WASF3: variants seen among roughly 807,000 people sequenced by gnomAD.
WASF3 encodes the protein WASP family member 3.
WASF3 carries 11 observed loss-of-function variants against 46.6 expected under a neutral mutation model. The observed-to-expected ratio is 0.24, with a 90% CI of 0.15 to 0.39. The LOEUF is 0.39. Among genes scored for constraint, WASF3 ranks in the 10% least tolerant of loss-of-function variants. The probability of loss-of-function intolerance (pLI) is 1.00; values close to 1 mark genes in which losing one functional copy is unlikely to be tolerated. For synonymous variants in WASF3, 242 were observed against 259.7 expected, an observed-to-expected ratio of 0.93 and a Z score of 0.65; for missense variants, 576 against 669.8, an observed-to-expected ratio of 0.86 and a Z score of 1.55.
At chr13:26,593,885 T>A (rs189784482) in intron 1 of WASF3, among the ~76,000 whole-genome samples, 1 of 152,226 alleles carries the variant, frequency 6.6e-6, no homozygotes, top group African/African-American at 2.4e-5. Flanking sequence ...TAACATAGTT[T>A]GCTTTAAATC....
chr13:26,559,825 T>C (rs1254383527), intron 1 of WASF3, among the ~76,000 whole-genome samples: 12 of 131,210 alleles, frequency 9.1e-5, no homozygotes, highest in South Asian at 2.7e-4. Context: ...TTTTTTTTTT[T>C]TTTTTTTTTG....
intron 2 of WASF3, among the ~76,000 whole-genome samples, chr13:26,633,392 T>C (rs9512292): frequency 0.44 from 67,003 of 151,260 alleles, 16,168 homozygotes; most frequent in Non-Finnish European, 0.55. Context: ...TTAGTAGAGG[T>C]GGGGTTTCTC....
intron 2 of WASF3, among the ~76,000 whole-genome samples, chr13:26,634,551 A>C (rs1087263): frequency 0.84 from 128,315 of 152,106 alleles, 54,155 homozygotes; most frequent in East Asian, 0.9. Context: ...GGTTATTTTG[A>C]CTGTTAATTG....
Position 26,688,334 on chromosome 13 carries a change from G to A in WASF3, c.*2489G>A, listed in dbSNP as rs1004796764. 1 of 152,178 alleles carries A rather than the reference G, an allele frequency of 6.6e-6. No homozygotes were observed. Among genetic ancestry groups the A allele is most frequent in the Admixed American group, 6.5e-5 (1 of 15,288 alleles). 9.4% of individuals were successfully genotyped at this position (152,178 alleles called of 1,614,324 possible). A position where few individuals can be genotyped will look rare whatever the true frequency, so the allele number is the denominator to read the frequency against. On this transcript the variant is annotated 3_prime_UTR_variant, in exon 10 of 10. Transcript: ENST00000335327. ...AGCACATTTCATTTCTCCAAACTTT[G>A]TGTTTTAAATTATAGTTATAAATTG...
intron 1 of WASF3, among the ~76,000 whole-genome samples, chr13:26,598,813 T>C (rs901511034): frequency 6.6e-6 from 1 of 152,246 alleles, no homozygotes; most frequent in Admixed American, 6.5e-5. Flanking sequence ...TTATACTCTT[T>C]CGATGGCTTT....
At position 26,573,542 on chromosome 13, in the gene WASF3, A is replaced by G. The variant is rs538613779; in HGVS notation, c.-109+15723A>G. ...ATGTGTTCTATGGACTCTGATGTAT[A>G]GGTTCTCATTATCTCTCAGAAATTC... On this transcript the variant is annotated intron_variant, in intron 1 of 9. Coordinates refer to ENST00000335327, the MANE Select transcript of WASF3 (RefSeq NM_006646.6). Among the ~76,000 whole-genome samples the G allele has an allele frequency of 2.0e-5, 3 of 152,222 alleles. No homozygotes were observed. The East Asian group carries it at 5.8e-4, about 29-fold the overall frequency.
intron 6 of WASF3, among the ~76,000 whole-genome samples, chr13:26,673,719 T>G (rs533640696): frequency 6.6e-6 from 1 of 152,342 alleles, no homozygotes; most frequent in East Asian, 1.9e-4. Flanking sequence ...CTCCTTTAGT[T>G]TAATGCTTTA....
chr13:26,561,745 A>G (rs1049334534), intron 1 of WASF3, among the ~76,000 whole-genome samples: 7 of 152,166 alleles, frequency 4.6e-5, no homozygotes, highest in Non-Finnish European at 1.0e-4. Context: ...AAAAATGTCT[A>G]GATTAGATTG....
In WASF3 at chr13:26,591,562, G is replaced by A. The variant is rs372472282; in HGVS notation, c.-108-21399G>A. Among the ~76,000 whole-genome samples the A allele has an allele frequency of 1.8e-4, 28 of 152,260 alleles. 1 individual carries two copies. In the South Asian group the frequency reaches 4.4e-3, roughly 24 times the overall value. ...GATATGGGGTTGCCATGAACTGAGA[G>A]GGGGAGACTACGAGCTCTAGATTGC... On this transcript the variant is annotated intron_variant, in intron 1 of 9. Coordinates refer to ENST00000335327, the MANE Select transcript of WASF3 (RefSeq NM_006646.6).
chr13:26,551,589 C>T, the WASF3 span, among the ~76,000 whole-genome samples: 1 of 152,126 alleles, frequency 6.6e-6, no homozygotes, highest in Non-Finnish European at 1.5e-5. Flanking sequence ...GGCAATAAAG[C>T]CATGTGAAGG....
At position 26,682,611 on chromosome 13, in the gene WASF3, C is replaced by T. The variant is rs757976789; in HGVS notation, c.988C>T (p.Leu330Phe). 6.2e-7 allele frequency: 1 copy of T among 1,614,134 alleles called. No individual in the cohort carries two copies. The highest frequency in any genetic ancestry group is 1.7e-5 in the Admixed American group (1 of 60,030). Reference sequence around the variant, plus strand: ...TGTGCCTCATATCTCTCTCAGGATGCTCCCAGCGCAGATAATTGAGTATTA... The same window carrying T: ...TGTGCCTCATATCTCTCTCAGGATGTTCCCAGCGCAGATAATTGAGTATTA... ...APMAPADYGM[L>F]PAQIIEYYNP... is the part of the protein sequence containing the mutation. The change falls in exon 9 of 10, where the codon CTC becomes TTC. Residue 330 changes from leucine (L) to phenylalanine (F), a missense_variant. Transcript: ENST00000335327. This position sits in a 1 kb window ranked among gnomAD's most constrained non-coding sequence, Gnocchi z 4.4.
At chr13:26,557,909 G>A in intron 1 of WASF3, 90 bp downstream of exon 1, 1 of 275,850 alleles carries the variant, frequency 3.6e-6, no homozygotes, top group Non-Finnish European at 6.8e-6. Flanking sequence ...GGGGAGGGGC[G>A]GCCCCACGGC....
At chr13:26,653,920 G>C (rs1247403859) in intron 3 of WASF3, among the ~76,000 whole-genome samples, 1 of 151,788 alleles carries the variant, frequency 6.6e-6, no homozygotes, top group Non-Finnish European at 1.5e-5. Flanking sequence ...CTCTTTGCCA[G>C]CCATCCCCTA....
rs781126463 is a variant in WASF3, at chr13:26,679,343, C to T, written c.717-1711C>T. 2.0e-5 allele frequency among the ~76,000 whole-genome samples: 3 copies of T among 152,180 alleles called. No homozygotes were observed. The highest frequency in any genetic ancestry group is 4.4e-5 in the Non-Finnish European group (3 of 68,040). On this transcript the variant is annotated intron_variant, in intron 7 of 9. Coordinates refer to ENST00000335327, the MANE Select transcript of WASF3 (RefSeq NM_006646.6). This position sits in a 1 kb window ranked among gnomAD's most constrained non-coding sequence, Gnocchi z 4.8. The stretch of plus-strand genomic sequence containing the variant: ...AGTCCCCTCTTCCCCCAGCCCCCGT[C>T]CTCCTGATGGGCACCCTTCATCAGG...
At position 26,635,049 on chromosome 13, in the gene WASF3, G is replaced by A. The variant is rs887766893; in HGVS notation, c.-10-7212G>A. 1.4e-4 allele frequency among the ~76,000 whole-genome samples: 21 copies of A among 152,264 alleles called. No individual in the cohort carries two copies. In the South Asian group the frequency reaches 2.5e-3, roughly 18 times the overall value. On this transcript the variant is annotated intron_variant, in intron 2 of 9. Coordinates refer to ENST00000335327, the MANE Select transcript of WASF3 (RefSeq NM_006646.6). ...ATGTTGGTCTGCCTTGCTAGGTTGGGGAAGTTCTCCTGGATAATATCCTGA... is the reference window on the plus strand; with the variant it reads ...ATGTTGGTCTGCCTTGCTAGGTTGGAGAAGTTCTCCTGGATAATATCCTGA...
chr13:26,649,554 C>G (rs947730139), intron 3 of WASF3, among the ~76,000 whole-genome samples: 27 of 152,174 alleles, frequency 1.8e-4, no homozygotes, highest in Non-Finnish European at 3.7e-4. Context: ...CTGATGCCCC[C>G]AAATTTGGAA....
chr13:26,588,322 ATAACT>A (rs1321782370), intron 1 of WASF3, among the ~76,000 whole-genome samples: 2 of 152,244 alleles, frequency 1.3e-5, no homozygotes, highest in African/African-American at 4.8e-5. Context: ...TAGAGGCAGC[ATAACT>A]TAATGTGATG....
At chr13:26,551,235 A>G in the WASF3 span, among the ~76,000 whole-genome samples, 1 of 152,166 alleles carries the variant, frequency 6.6e-6, no homozygotes, top group African/African-American at 2.4e-5. Flanking sequence ...AAGCGTGCAG[A>G]ACTGAGTCAA....
intron 1 of WASF3, among the ~76,000 whole-genome samples, chr13:26,573,520 T>C (rs1165393625): frequency 2.0e-5 from 3 of 152,276 alleles, no homozygotes; most frequent in African/African-American, 7.2e-5. Flanking sequence ...ACTTTAAATG[T>C]GTTCTATGGA....
Sources: gnomAD v4.1 joint callset for allele counts (sites outside exome capture counted in the v4.1 genomes callset) on GRCh38, gnomAD v4.1.1 for gene constraint, Gnocchi (gnomAD v3.1) non-coding constraint, MANE v1.5 for transcripts, NCBI Gene and HGNC (gene_info 2026-07-23, HGNC 2026-07-21) for gene names.